Variants in CLIC5 observed in about 807,000 individuals in gnomAD.
CLIC5 encodes the protein chloride intracellular channel protein 5.
In CLIC5, 20 loss-of-function variants were observed where a neutral mutation model predicts 24.7. The ratio of observed to expected loss-of-function variants is 0.81; its 90% CI spans 0.57 to 1.18. The LOEUF is 1.18. CLIC5 is among the 50% of genes most tolerant of loss of function. CLIC5 has a pLI of 0.00. For missense variants in CLIC5, 341 were observed against 326.1 expected (o/e 1.05, Z -0.35); for synonymous variants, 159 against 135.6 (o/e 1.17, Z -1.20).
chr6:46,004,483 G>T (rs1156511857), intron 1 of CLIC5, among the ~76,000 whole-genome samples: 1 of 152,210 alleles, frequency 6.6e-6, no homozygotes, highest in Non-Finnish European at 1.5e-5. Context: ...CAGCAAAGGA[G>T]TTGGCCGTCC....
At chr6:46,005,782 C>A (rs1766530929) in intron 1 of CLIC5, among the ~76,000 whole-genome samples, 1 of 151,700 alleles carries the variant, frequency 6.6e-6, no homozygotes, top group Admixed American at 6.6e-5. Context: ...TTATCCTCCT[C>A]CACAATGTGA....
intron 1 of CLIC5, among the ~76,000 whole-genome samples, chr6:45,988,210 T>C (rs1356335180): frequency 6.6e-6 from 1 of 152,202 alleles, no homozygotes; most frequent in African/African-American, 2.4e-5. Flanking sequence ...AAGGAGAAAT[T>C]GGAAAGAAGA....
chr6:45,987,704 T>C (rs910900197), intron 1 of CLIC5, among the ~76,000 whole-genome samples: 3 of 152,218 alleles, frequency 2.0e-5, no homozygotes, highest in African/African-American at 7.2e-5. Flanking sequence ...CTTCCGGCTC[T>C]GTCCTCACTT....
At chr6:46,018,370 A>G (rs561584828), upstream of CLIC5, among the ~76,000 whole-genome samples, 2 of 152,310 alleles carry the variant, frequency 1.3e-5, no homozygotes, top group African/African-American at 4.8e-5. Flanking sequence ...ATCTTCTCCA[A>G]ATATCTACTG....
chr6:46,077,138 G>A (rs1190931106), intron 1 of CLIC5, among the ~76,000 whole-genome samples: 1 of 151,204 alleles, frequency 6.6e-6, no homozygotes, highest in African/African-American at 2.4e-5. Flanking sequence ...TTCTTCATTG[G>A]TGTAAACCCA....
the CLIC5 span, among the ~76,000 whole-genome samples, chr6:46,109,289 C>G: frequency 0.011 from 1,615 of 152,148 alleles, 29 homozygotes; most frequent in African/African-American, 0.037. Flanking sequence ...GTATTTAACA[C>G]TCTTGAATAC....
intron 1 of CLIC5, among the ~76,000 whole-genome samples, chr6:45,976,768 A>G (rs1436697655): frequency 2.0e-5 from 3 of 152,150 alleles, no homozygotes; most frequent in Non-Finnish European, 4.4e-5. Flanking sequence ...TAAATATTCA[A>G]ATGGGTAATG....
intron 1 of CLIC5, among the ~76,000 whole-genome samples, chr6:45,963,863 C>T (rs1410428661): frequency 6.6e-6 from 1 of 151,832 alleles, no homozygotes; most frequent in African/African-American, 2.4e-5. Flanking sequence ...AGACAATATG[C>T]CTTGTTATTA....
intron 1 of CLIC5, among the ~76,000 whole-genome samples, chr6:45,958,443 T>TACACACACACACACACACACACACACAC (rs1283521914): frequency 0.02 from 1,113 of 55,548 alleles, 53 homozygotes; most frequent in South Asian, 0.039. Context: ...TATATATATA[T>TACACACACACACACACACACACACACAC]ATATATATAT....
rs201684338 is a variant in CLIC5, at chr6:45,961,651, A to ATT, written c.64-6409_64-6408dup. On this transcript the variant is annotated intron_variant, in intron 1 of 5. Coordinates refer to ENST00000339561, the MANE Select transcript of CLIC5 (RefSeq NM_016929.5). ...TCAGACAACATTTCTAGTTGTGACT[A>ATT]TTTTTTTTTTAATACCAAACAGTCT... is the stretch of plus-strand genomic sequence containing the variant. Among the ~76,000 whole-genome samples the ATT allele has an allele frequency of 9.2e-4, 138 of 150,004 alleles. 1 individual carries two copies. Among genetic ancestry groups the ATT allele is most frequent in the African/African-American group, 3.0e-3 (122 of 40,960 alleles).
intron 1 of CLIC5, among the ~76,000 whole-genome samples, chr6:46,006,931 C>T (rs949741281): frequency 6.6e-6 from 1 of 152,146 alleles, no homozygotes; most frequent in Non-Finnish European, 1.5e-5. Flanking sequence ...CTCGGCCTCC[C>T]AAAGTGCTGA....
At chr6:46,080,032 A>C in exon 1 of CLIC5, 2 of 1,551,566 alleles carry the variant, frequency 1.3e-6, no homozygotes, top group Non-Finnish European at 1.7e-6. Flanking sequence ...ACAGAGGCCA[A>C]GCTGGTCTCT....
At chr6:46,120,628 T>C in the CLIC5 span, among the ~76,000 whole-genome samples, 3 of 152,134 alleles carry the variant, frequency 2.0e-5, no homozygotes, top group South Asian at 6.2e-4. Context: ...ATGATCAAAC[T>C]TCTCCGAGCT....
chr6:46,088,240 A>G, the CLIC5 span, among the ~76,000 whole-genome samples: 8 of 151,602 alleles, frequency 5.3e-5, no homozygotes, highest in African/African-American at 1.9e-4. Flanking sequence ...TATTATAAAA[A>G]TTGTTACTCT....
the CLIC5 span, among the ~76,000 whole-genome samples, chr6:46,095,209 C>T: frequency 1.6e-3 from 249 of 151,910 alleles, 1 homozygote; most frequent in Non-Finnish European, 1.9e-3. Flanking sequence ...TGTGATGGGA[C>T]GGGCTGCCAT....
Position 45,903,585 on chromosome 6 carries a change from C to A in CLIC5, c.589-330G>T, listed in dbSNP as rs151324569. ...TTTGAATAACAAAAATGGTGCACAG[C>A]GCCAAAGTCCAACAATATATGAATA... On this transcript the variant is annotated intron_variant, in intron 5 of 5. Coordinates refer to ENST00000339561, the MANE Select transcript of CLIC5 (RefSeq NM_016929.5). Among the ~76,000 whole-genome samples the A allele has an allele frequency of 6.3e-3, 960 of 152,166 alleles. 11 individuals carry two copies. The highest frequency in any genetic ancestry group is 9.6e-3 in the Non-Finnish European group (652 of 68,014).
chr6:46,010,031 T>C (rs530413216), intron 1 of CLIC5, among the ~76,000 whole-genome samples: 3 of 152,134 alleles, frequency 2.0e-5, no homozygotes, highest in East Asian at 3.9e-4. Flanking sequence ...TCAGTTGCCA[T>C]TGGTCTGCAG....
chr6:45,915,907 C>T (rs374466936), intron 4 of CLIC5, among the ~76,000 whole-genome samples: 1 of 152,142 alleles, frequency 6.6e-6, no homozygotes, highest in Non-Finnish European at 1.5e-5. Context: ...GTCATCAGCC[C>T]CATCCCCAGA....
intron 1 of CLIC5, among the ~76,000 whole-genome samples, chr6:46,001,333 G>T (rs867191287): frequency 2.7e-4 from 41 of 152,246 alleles, no homozygotes; most frequent in African/African-American, 9.4e-4. Context: ...GGGGAGAGAG[G>T]GGAAGAGGTG....
Sources: gnomAD v4.1 joint callset for allele counts (sites outside exome capture counted in the v4.1 genomes callset) on GRCh38, gnomAD v4.1.1 for gene constraint, MANE v1.5 for transcripts, NCBI Gene and HGNC (gene_info 2026-07-23, HGNC 2026-07-21) for gene names.